Variants in TTC12 observed in about 807,000 individuals in gnomAD.
TTC12 encodes tetratricopeptide repeat domain 12.
TTC12 carries 70 observed loss-of-function variants against 90.1 expected under a neutral mutation model. The ratio of observed to expected loss-of-function variants is 0.78; its 90% confidence interval spans 0.64 to 0.95. TTC12 has a LOEUF of 0.95. Ranked by LOEUF, TTC12 falls within the 40% of genes least tolerant of loss-of-function variation. The pLI, the probability that TTC12 is intolerant of heterozygous loss-of-function variation, is 0.00. For missense variants in TTC12, 819 were observed against 846.1 expected (o/e 0.97, Z 0.40); for synonymous variants, 296 against 311.5 (o/e 0.95, Z 0.53).
At chr11:113,341,733 C>T in intron 11 of TTC12, 104 bp from the exon 12 acceptor site, 1 of 896,418 alleles carries the variant, frequency 1.1e-6, no homozygotes, top group South Asian at 1.4e-5. Flanking sequence ...TATACTTTCT[C>T]AAACCTGTAT....
intron 12 of TTC12, 59 bp downstream of exon 12, chr11:113,341,984 GT>G: frequency 6.9e-7 from 1 of 1,451,016 alleles, no homozygotes; most frequent in Middle Eastern, 1.7e-4. Flanking sequence ...GAACTACGCT[GT>G]TGGGTGGACT....
chr11:113,347,019 T>A (rs1270108104), intron 13 of TTC12, among the ~76,000 whole-genome samples: 1 of 152,106 alleles, frequency 6.6e-6, no homozygotes, highest in Non-Finnish European at 1.5e-5. Context: ...CCTCTCTAGG[T>A]GCTGAGTCCA....
At chr11:113,323,161 T>G in intron 2 of TTC12, 127 bp from the exon 3 acceptor site, 1 of 618,064 alleles carries the variant, frequency 1.6e-6, no homozygotes, top group Non-Finnish European at 2.5e-6. Context: ...GCTTGCTCTA[T>G]TTTGCTTTCT....
At position 113,330,057 on chromosome 11, in the gene TTC12, G is replaced by C; in HGVS notation, c.504+78G>C. 6 of 1,143,202 alleles carry C rather than the reference G, an allele frequency of 5.2e-6. No individual in the cohort carries two copies. The South Asian group carries it at 7.4e-5, about 14-fold the overall frequency. The allele number at this position is 1,143,202 out of a possible 1,614,324, so 70.8% of individuals were successfully genotyped here. Reference sequence around the variant, plus strand: ...AGGCAGCTGCCAGTGTATCAAGATAGGAAAGGGTATAGCCTCTGTAGCCAG... The same window carrying C: ...AGGCAGCTGCCAGTGTATCAAGATACGAAAGGGTATAGCCTCTGTAGCCAG... On this transcript the variant is annotated intron_variant, in intron 7 of 21. Coordinates refer to ENST00000529221, the MANE Select transcript of TTC12 (RefSeq NM_017868.4).
At chr11:113,318,269 T>A (rs1555136671) in intron 2 of TTC12, among the ~76,000 whole-genome samples, 1 of 152,044 alleles carries the variant, frequency 6.6e-6, no homozygotes, top group African/African-American at 2.4e-5. Flanking sequence ...CTAACCCAGC[T>A]TTGGGAGGTT....
At chr11:113,369,117 ATTGT>A (rs112124449), downstream of TTC12, 2,244 of 153,088 alleles carry the variant, frequency 0.015, 22 homozygotes, top group Non-Finnish European at 0.023. Context: ...CTGCCTGTGC[ATTGT>A]TTGTTTGTTT....
chr11:113,344,238 C>T (rs1948826268), intron 12 of TTC12, 34 bp from the exon 13 acceptor site: 2 of 1,583,540 alleles, frequency 1.3e-6, no homozygotes, highest in African/African-American at 2.7e-5. Context: ...GCCATGATGG[C>T]ATGCACAAGA....
chr11:113,368,826 C>A, downstream of TTC12: 1 of 331,864 alleles, frequency 3.0e-6, no homozygotes, highest in Non-Finnish European at 5.5e-6. Flanking sequence ...AAACTAATTG[C>A]AGTTTTTGCC....
intron 10 of TTC12, among the ~76,000 whole-genome samples, chr11:113,339,957 C>G (rs987176816): frequency 6.6e-6 from 1 of 152,150 alleles, no homozygotes; most frequent in East Asian, 1.9e-4. Context: ...GCATCCCATA[C>G]CACCTCGTAC....
intron 13 of TTC12, among the ~76,000 whole-genome samples, chr11:113,346,399 G>A (rs145353714): frequency 2.6e-5 from 4 of 152,200 alleles, no homozygotes; most frequent in African/African-American, 7.2e-5. Context: ...ATAAAGCCTG[G>A]CTTGTTTTGT....
intron 18 of TTC12, among the ~76,000 whole-genome samples, chr11:113,360,559 A>G (rs782151992): frequency 2.6e-5 from 4 of 152,232 alleles, no homozygotes; most frequent in African/African-American, 4.8e-5. Context: ...AAAGGCCTAT[A>G]TGTTAGCACA....
At chr11:113,344,139 C>T in intron 12 of TTC12, 133 bp from the exon 13 acceptor site, 8 of 1,038,842 alleles carry the variant, frequency 7.7e-6, no homozygotes, top group Non-Finnish European at 1.1e-5. Flanking sequence ...CTAGAATCCA[C>T]ACTCTTACAC....
chr11:113,323,743 C>T (rs1361201218), intron 3 of TTC12, among the ~76,000 whole-genome samples: 3 of 152,108 alleles, frequency 2.0e-5, no homozygotes. Context: ...TCATTTCCAA[C>T]TCATAAGCCA....
intron 16 of TTC12, among the ~76,000 whole-genome samples, chr11:113,354,576 A>G (rs1949515519): frequency 6.6e-6 from 1 of 152,152 alleles, no homozygotes; most frequent in Non-Finnish European, 1.5e-5. Flanking sequence ...TTGCCCATTT[A>G]GTATGATGTT....
intron 3 of TTC12, among the ~76,000 whole-genome samples, chr11:113,323,772 C>T (rs542755241): frequency 6.6e-6 from 1 of 152,236 alleles, no homozygotes; most frequent in African/African-American, 2.4e-5. Flanking sequence ...GTCCCTTGAC[C>T]TGGGCAGCCT....
At chr11:113,341,778 A>G (rs574739330) in intron 11 of TTC12, 59 bp from the exon 12 acceptor site, 1 of 1,367,700 alleles carries the variant, frequency 7.3e-7, no homozygotes, top group African/African-American at 1.4e-5. Flanking sequence ...AACCAAATGG[A>G]AAAGAAAATC....
chr11:113,335,218 C>T (rs1591552311), intron 8 of TTC12, among the ~76,000 whole-genome samples, 181 bp downstream of exon 8: 1 of 152,102 alleles, frequency 6.6e-6, no homozygotes, highest in East Asian at 1.9e-4. Flanking sequence ...AGTTCAACTC[C>T]ACCAGCTGTA....
At chr11:113,372,656 T>A (rs12285457) in intron 21 of TTC12, among the ~76,000 whole-genome samples, 1 of 152,052 alleles carries the variant, frequency 6.6e-6, no homozygotes, top group Admixed American at 6.6e-5. Flanking sequence ...AATAAGCATA[T>A]CTATTATTAT....
At chr11:113,361,109 A>G (rs1282266401) in intron 18 of TTC12, among the ~76,000 whole-genome samples, 1 of 152,154 alleles carries the variant, frequency 6.6e-6, no homozygotes, top group Non-Finnish European at 1.5e-5. Flanking sequence ...CAGCTTCACC[A>G]TGGGCATCTG....
Sources: allele counts gnomAD v4.1 joint callset (sites outside exome capture counted in the v4.1 genomes callset), GRCh38; gene constraint gnomAD v4.1.1; transcripts MANE v1.5; gene names NCBI Gene and HGNC (gene_info 2026-07-23, HGNC 2026-07-21).